Variants in C4orf54 observed in about 807,000 individuals in gnomAD.
C4orf54 encodes uncharacterized protein C4orf54.
Under a neutral mutation model 80.1 loss-of-function variants are expected in C4orf54, and 67 were observed. The observed-to-expected ratio is 0.84, with a 90% CI of 0.69 to 1.03. The LOEUF is 1.03. C4orf54 is among the 50% of genes least tolerant of loss of function. The probability of loss-of-function intolerance (pLI) is 0.00; values close to 1 mark genes in which losing one functional copy is unlikely to be tolerated. For synonymous variants in C4orf54, 1,000 were observed against 917.0 expected, an observed-to-expected ratio of 1.09 and a Z score of -1.64; for missense variants, 2,434 against 2,253.5, an observed-to-expected ratio of 1.08 and a Z score of -1.62.
intron 1 of C4orf54, among the ~76,000 whole-genome samples, chr4:99,656,324 G>T (rs1423543779): frequency 6.6e-6 from 1 of 151,200 alleles, no homozygotes; most frequent in Middle Eastern, 3.4e-3. Flanking sequence ...CTATTGCCTA[G>T]GCTGGTGTTC....
At chr4:99,647,255 G>T (rs552431275) in intron 2 of C4orf54, among the ~76,000 whole-genome samples, 1 of 152,104 alleles carries the variant, frequency 6.6e-6, no homozygotes, top group Non-Finnish European at 1.5e-5. Flanking sequence ...GTGTGTGCCC[G>T]ATCCTCCCTT....
chr4:99,645,870 C>T (rs1289106491), intron 2 of C4orf54, among the ~76,000 whole-genome samples: 1 of 152,130 alleles, frequency 6.6e-6, no homozygotes, highest in Non-Finnish European at 1.5e-5. Flanking sequence ...CCAGGTGGTA[C>T]ACAGCCTTGT....
chr4:99,640,897 C>T lies in C4orf54; in HGVS notation c.*336G>A, dbSNP rs1382344515. On this transcript the variant is annotated 3_prime_UTR_variant, in exon 3 of 3. Transcript: ENST00000511828. The stretch of plus-strand genomic sequence containing the variant: ...CAATGGGAACAAAGGAATTGTTTGT[C>T]TAGTCACAAGTACAGGGGGGAAGGA... The T allele has an allele frequency of 1.3e-5, 2 of 152,038 alleles. No individual in the cohort carries two copies. The highest frequency in any genetic ancestry group is 2.9e-5 in the Non-Finnish European group (2 of 67,984). 9.4% of individuals were successfully genotyped at this position (152,038 alleles called of 1,614,324 possible).
At position 99,652,384 on chromosome 4, in the gene C4orf54, A is replaced by G; in HGVS notation, c.2265T>C (p.Asn755=). 1 of 1,535,790 alleles carries G rather than the reference A, an allele frequency of 6.5e-7. No homozygotes were observed. The highest frequency in any genetic ancestry group is 8.7e-7 in the Non-Finnish European group (1 of 1,146,808). ...SRVVTLLEPL[N]VRSESKASSA... The stretch of plus-strand genomic sequence containing the variant: ...AGCTGGCTTTGCTCTCACTGCGTAC[A>G]TTCAGGGGCTCCAAAAGGGTGACGA... Residue 755 remains asparagine, a synonymous_variant, in exon 2 of 3, where the codon AAT becomes AAC. Coordinates refer to ENST00000511828, the MANE Select transcript of C4orf54 (RefSeq NM_001354435.2).
Position 99,636,563 on chromosome 4 carries a change from AC to A in C4orf54, c.*4669del, listed in dbSNP as rs1482737072. 2 of 152,188 alleles carry A rather than the reference AC, an allele frequency of 1.3e-5. No homozygotes were observed. The highest frequency in any genetic ancestry group is 2.4e-5 in the African/African-American group (1 of 41,442). 9.4% of individuals were successfully genotyped at this position (152,188 alleles called of 1,614,324 possible). On this transcript the variant is annotated 3_prime_UTR_variant, in exon 3 of 3. Transcript: ENST00000511828. ...AAGTAATTTTTACTGGGAAAAAAAAACAATAAAACATTTTTTTTCCAAAACA... is the reference window on the plus strand; with the variant it reads ...AAGTAATTTTTACTGGGAAAAAAAAAAATAAAACATTTTTTTTCCAAAACA...
chr4:99,655,962 G>A (rs1726971985), intron 1 of C4orf54, among the ~76,000 whole-genome samples: 1 of 152,156 alleles, frequency 6.6e-6, no homozygotes, highest in Admixed American at 6.5e-5. Flanking sequence ...ATGTGGGTAG[G>A]TATGGAGTGG....
rs1254716291 is a variant in C4orf54, at chr4:99,638,445, A to C, written c.*2788T>G. 3 of 152,182 alleles carry C rather than the reference A, an allele frequency of 2.0e-5. No homozygotes were observed. The highest frequency in any genetic ancestry group is 2.4e-5 in the African/African-American group (1 of 41,464). The allele number at this position is 152,182 out of a possible 1,614,324, so 9.4% of individuals were successfully genotyped here. On this transcript the variant is annotated 3_prime_UTR_variant, in exon 3 of 3. Coordinates refer to ENST00000511828, the MANE Select transcript of C4orf54 (RefSeq NM_001354435.2). ...AGTGGATCTTCTGGAAAACTAAGCC[A>C]CACATATAACCCTAAGAGGATATTA...
Position 99,653,275 on chromosome 4 carries a change from GC to G in C4orf54, c.1373del (p.Gly458AlafsTer33). 6.5e-7 allele frequency: 1 copy of G among 1,530,614 alleles called. No individual in the cohort carries two copies. The highest frequency in any genetic ancestry group is 8.7e-7 in the Non-Finnish European group (1 of 1,143,226). The allele number at this position is 1,530,614 out of a possible 1,614,324, so 94.8% of individuals were successfully genotyped here. On this transcript the variant is annotated frameshift_variant, in exon 2 of 3. Coordinates refer to ENST00000511828, the MANE Select transcript of C4orf54 (RefSeq NM_001354435.2). LOFTEE classifies it high-confidence loss of function. ...TSSDLARPNA[G>X]RSGRDTSSTE... ...TGCTGCTGGTGTCGCGGCCACTGCG[GC>G]CTGCATTGGGGCGGGCCAGGTCGCT... is the stretch of plus-strand genomic sequence containing the variant.
chr4:99,653,026 G>C lies in C4orf54; in HGVS notation c.1623C>G (p.Asn541Lys). The stretch of plus-strand genomic sequence containing the variant: ...CTTCATGCTTGGCAGCATAAATAAT[G>C]TTTTGCTTTGCACGCACGTTGCTAG... ...NEPSNVRAKQ[N>K]IIYAAKHEGD... The change falls in exon 2 of 3, where the codon AAC becomes AAG. Residue 541 changes from asparagine (N) to lysine (K), a missense_variant. Asn to Lys is a moderately conservative substitution (Grantham distance 94). Coordinates refer to ENST00000511828, the MANE Select transcript of C4orf54 (RefSeq NM_001354435.2). 1 of 1,536,158 alleles carries C rather than the reference G, an allele frequency of 6.5e-7. No individual in the cohort carries two copies.
chr4:99,653,817 CT>C lies in C4orf54; in HGVS notation c.831del (p.Ala278GlnfsTer26). On this transcript the variant is annotated frameshift_variant, in exon 2 of 3. Coordinates refer to ENST00000511828, the MANE Select transcript of C4orf54 (RefSeq NM_001354435.2). LOFTEE classifies it high-confidence loss of function. ...SSSSSSSPMN[K>X]AEEDGLSKME... ...ATTTTGGAAAGGCCATCCTCTTCTG[CT>C]TTGTTCATCGGGGAGGAGGATGAGG... is the stretch of plus-strand genomic sequence containing the variant. The C allele has an allele frequency of 6.5e-7, 1 of 1,536,148 alleles. No individual in the cohort carries two copies. The highest frequency in any genetic ancestry group is 8.7e-7 in the Non-Finnish European group (1 of 1,146,898).
rs1472865760 is a variant in C4orf54 at position 99,652,358 on chromosome 4, G to A, written c.2291C>T (p.Ser764Leu). The A allele has an allele frequency of 2.0e-6, 3 of 1,536,060 alleles. No individual in the cohort carries two copies. Among genetic ancestry groups the A allele is most frequent in the Non-Finnish European group, 1.7e-6 (2 of 1,146,888 alleles). ...LNVRSESKAS[S>L]APGPGRATKG... ...GGTGGCCCTGCCGGGCCCAGGGGCC[G>A]AGCTGGCTTTGCTCTCACTGCGTAC... is the stretch of plus-strand genomic sequence containing the variant. The change falls in exon 2 of 3, where the codon TCG becomes TTG. Residue 764 changes from serine to leucine, a missense_variant. Physicochemically the swap from Ser to Leu is moderately radical, Grantham distance 145. Coordinates refer to ENST00000511828, the MANE Select transcript of C4orf54 (RefSeq NM_001354435.2).
intron 1 of C4orf54, among the ~76,000 whole-genome samples, chr4:99,655,424 G>A (rs1726963835): frequency 6.6e-6 from 1 of 152,174 alleles, no homozygotes; most frequent in Non-Finnish European, 1.5e-5. Context: ...ATTAAATATA[G>A]CCTGAGCTGC....
At position 99,652,702 on chromosome 4, in the gene C4orf54, G is replaced by A; in HGVS notation, c.1947C>T (p.Ser649=). The A allele has an allele frequency of 1.3e-6, 2 of 1,536,120 alleles. No homozygotes were observed. The highest frequency in any genetic ancestry group is 1.7e-4 in the Middle Eastern group (1 of 5,990). ...AGCCCACTTCGGAGAGCGTGGTGGA[G>A]GACTCCCGGGAGCTGATGTTCAGAG... ...FEALNISSRE[S]STTLSEVGFG... The change falls in exon 2 of 3, where the codon TCC becomes TCT. Residue 649 remains serine (S), a synonymous_variant. Coordinates refer to ENST00000511828, the MANE Select transcript of C4orf54 (RefSeq NM_001354435.2).
In C4orf54 at chr4:99,653,920, G is replaced by A. The variant is rs1034844243; in HGVS notation, c.729C>T (p.Pro243=). The A allele has an allele frequency of 6.5e-7, 1 of 1,536,228 alleles. No homozygotes were observed. The highest frequency in any genetic ancestry group is 8.7e-7 in the Non-Finnish European group (1 of 1,146,896). ...QDEPSSKTPS[P]QNNPASSQLS... ...GTTGGGAGGAGGCAGGATTGTTCTG[G>A]GGGCTTGGAGTCTTGCTGCTGGGTT... is the stretch of plus-strand genomic sequence containing the variant. The change falls in exon 2 of 3, where the codon CCC becomes CCT. Residue 243 remains proline (P), a synonymous_variant. Transcript: ENST00000511828.
rs1578276530 is a variant in C4orf54, at chr4:99,653,120, C to G, written c.1529G>C (p.Ser510Thr). 13 of 1,536,198 alleles carry G rather than the reference C, an allele frequency of 8.5e-6. No homozygotes were observed. Among genetic ancestry groups the G allele is most frequent in the Non-Finnish European group, 1.1e-5 (13 of 1,146,914 alleles). ...AASGAAAAAA[S>T]SCGSAASQIL... is the part of the protein sequence containing the mutation. ...CTGGCTTGCTGCACTCCCACAGCTG[C>G]TTGCGGCGGCGGCTGCTGCCCCTGA... Residue 510 changes from serine (S) to threonine (T), a missense_variant, in exon 2 of 3, where the codon AGC (serine) becomes ACC (threonine). Ser to Thr is a moderately conservative substitution (Grantham distance 58). Transcript: ENST00000511828.
intron 1 of C4orf54, among the ~76,000 whole-genome samples, chr4:99,657,182 T>G (rs1412726580): frequency 6.6e-6 from 1 of 152,248 alleles, no homozygotes; most frequent in African/African-American, 2.4e-5. Context: ...CTGTGGTGCA[T>G]ACATACTCCA....
chr4:99,641,912 G>T (rs965458478), intron 2 of C4orf54, among the ~76,000 whole-genome samples: 65 of 151,996 alleles, frequency 4.3e-4, no homozygotes, highest in Non-Finnish European at 4.4e-4. Flanking sequence ...ATTTGTTAGG[G>T]ATTAAGAAGG....
rs1217064729 is a variant in C4orf54 at position 99,649,721 on chromosome 4, T to C, written c.4928A>G (p.Tyr1643Cys). ...RRLFDPETGQ[Y>C]VDVPMTSQQQ... is the part of the protein sequence containing the mutation. The stretch of plus-strand genomic sequence containing the variant: ...CTGGGAGGTCATGGGCACATCCACA[T>C]ACTGCCCTGTCTCAGGGTCAAACAG... The change falls in exon 2 of 3, where the codon TAT becomes TGT. Residue 1643 changes from tyrosine to cysteine, a missense_variant. Physicochemically the swap from Tyr to Cys is radical, Grantham distance 194. Coordinates refer to ENST00000511828, the MANE Select transcript of C4orf54 (RefSeq NM_001354435.2). The C allele has an allele frequency of 2.6e-6, 4 of 1,536,026 alleles. No individual in the cohort carries two copies. Among genetic ancestry groups the C allele is most frequent in the East Asian group, 2.4e-5 (1 of 40,924 alleles).
At chr4:99,646,174 A>G (rs1343214419) in intron 2 of C4orf54, among the ~76,000 whole-genome samples, 1 of 152,192 alleles carries the variant, frequency 6.6e-6, no homozygotes, top group Admixed American at 6.5e-5. Context: ...AATACTTATT[A>G]TTTGAACTGG....
Sources: gnomAD v4.1 joint callset for allele counts (sites outside exome capture counted in the v4.1 genomes callset) on GRCh38, gnomAD v4.1.1 for gene constraint, MANE v1.5 for transcripts, NCBI Gene and HGNC (gene_info 2026-07-23, HGNC 2026-07-21) for gene names.